The following SDK2 variants were observed in gnomAD, a reference collection of about 807,000 sequenced individuals.
SDK2 encodes the protein protein sidekick-2.
In SDK2, 105 loss-of-function variants were observed where a neutral mutation model predicts 253.9. The ratio of observed to expected loss-of-function variants is 0.41; its 90% CI spans 0.35 to 0.49. The LOEUF (loss-of-function observed/expected upper bound fraction) is 0.49, where lower values mean the gene tolerates loss of function less well. SDK2 is among the 20% of genes least tolerant of loss of function. SDK2 has a pLI of 0.06. For synonymous variants in SDK2, 1,249 were observed against 1,234.9 expected, an observed-to-expected ratio of 1.01 and a Z score of -0.24; for missense variants, 2,608 against 3,003.0, an observed-to-expected ratio of 0.87 and a Z score of 3.07.
chr17:73,553,157 G>A (rs2045089687), intron 1 of SDK2, among the ~76,000 whole-genome samples: 1 of 152,226 alleles, frequency 6.6e-6, no homozygotes, highest in African/African-American at 2.4e-5. Context: ...AGGTGGCCTT[G>A]AGCATGGAAG....
At chr17:73,405,855 G>A (rs973354115) in intron 18 of SDK2, among the ~76,000 whole-genome samples, 2 of 151,558 alleles carry the variant, frequency 1.3e-5, no homozygotes, top group Non-Finnish European at 2.9e-5. Context: ...GAGTTGCTGG[G>A]ACTACAGGCG....
At chr17:73,501,786 T>C (rs1384715029) in intron 2 of SDK2, among the ~76,000 whole-genome samples, 4 of 152,204 alleles carry the variant, frequency 2.6e-5, no homozygotes, top group African/African-American at 7.2e-5. Context: ...ACCATTCATG[T>C]CACATCTTTT....
intron 1 of SDK2, chr17:73,520,347 T>C (rs905582502): frequency 6.6e-6 from 1 of 152,322 alleles, no homozygotes; most frequent in Non-Finnish European, 1.5e-5. Context: ...TGCCCCTTGC[T>C]GGACCAAGGT....
chr17:73,612,173 G>A lies in SDK2; in HGVS notation c.64+31852C>T, dbSNP rs2045982855. 6.6e-6 allele frequency among the ~76,000 whole-genome samples: 1 copy of A among 152,210 alleles called. No homozygotes were observed. The highest frequency in any genetic ancestry group is 1.5e-5 in the Non-Finnish European group (1 of 68,030). On this transcript the variant is annotated intron_variant, in intron 1 of 44. Coordinates refer to ENST00000392650, the MANE Select transcript of SDK2 (RefSeq NM_001144952.2). The surrounding 1 kb of genome is among the most constrained non-coding windows in gnomAD (Gnocchi z 4.4). ...CACCCCCGCTGCAGCCTCTTCAAGC[G>A]AGGAAAGATAAATGCAAGTACACCA... is the stretch of plus-strand genomic sequence containing the variant.
At chr17:73,473,679 C>G (rs2063667473) in intron 2 of SDK2, among the ~76,000 whole-genome samples, 1 of 152,220 alleles carries the variant, frequency 6.6e-6, no homozygotes, top group Non-Finnish European at 1.5e-5. Context: ...ATCTCTGCAT[C>G]AGACACTGTA....
Position 73,395,314 on chromosome 17 carries a change from C to T in SDK2, c.3433G>A (p.Gly1145Ser), listed in dbSNP as rs754186093. The part of the protein sequence containing the change: ...KIKYSRSDGH[G>S]KTLSHVVQDR... ...TGCACCACGTGGCTCAGCGTCTTGC[C>T]ATGCCCGTCTGACCGGCTGTACTTG... is the stretch of plus-strand genomic sequence containing the variant. The change falls in exon 25 of 45, where the codon GGC becomes AGC. Residue 1145 changes from glycine (G) to serine (S), a missense_variant. Gly to Ser is a moderately conservative substitution (Grantham distance 56). Around this residue, in one of 2 missense-constraint regions of SDK2, gnomAD observed 1,505 missense variants for 1,859.1 expected, o/e 0.81. Coordinates refer to ENST00000392650, the MANE Select transcript of SDK2 (RefSeq NM_001144952.2). The surrounding 1 kb of genome is among the most constrained non-coding windows in gnomAD (Gnocchi z 4.3). 19 of 1,613,882 alleles carry T rather than the reference C, an allele frequency of 1.2e-5. No homozygotes were observed. The highest frequency in any genetic ancestry group is 8.0e-5 in the African/African-American group (6 of 74,932).
chr17:73,416,310 C>T (rs914657388), intron 16 of SDK2, among the ~76,000 whole-genome samples: 9 of 147,090 alleles, frequency 6.1e-5, no homozygotes, highest in African/African-American at 2.2e-4. Flanking sequence ...GATTCTCCTG[C>T]CTCAGCCTCC....
chr17:73,619,299 T>C (rs1400419758), intron 1 of SDK2, among the ~76,000 whole-genome samples: 1 of 152,060 alleles, frequency 6.6e-6, no homozygotes, highest in Non-Finnish European at 1.5e-5. Context: ...TAGCAAAACT[T>C]GAGGGCAGGC....
intron 29 of SDK2, among the ~76,000 whole-genome samples, chr17:73,388,786 C>T (rs574871796): frequency 6.9e-5 from 8 of 115,840 alleles, no homozygotes; most frequent in African/African-American, 2.5e-4. Flanking sequence ...TTCCTTCCTT[C>T]CTTCCCTCCC....
chr17:73,589,843 G>A (rs569593152), intron 1 of SDK2, among the ~76,000 whole-genome samples: 1 of 152,378 alleles, frequency 6.6e-6, no homozygotes, highest in African/African-American at 2.4e-5. Context: ...TTACAGAGGT[G>A]CTGAGTGCCA....
chr17:73,526,111 T>A (rs1407009888), intron 1 of SDK2, among the ~76,000 whole-genome samples: 1 of 152,190 alleles, frequency 6.6e-6, no homozygotes. Context: ...ATGAGCATCC[T>A]AAATGGCACA....
chr17:73,450,020 G>C (rs1478964750), intron 4 of SDK2, among the ~76,000 whole-genome samples: 1 of 152,204 alleles, frequency 6.6e-6, no homozygotes, highest in East Asian at 1.9e-4. Flanking sequence ...GGTGGGGCCA[G>C]AGCCAGGCGA....
Position 73,437,826 on chromosome 17 carries a change from C to A in SDK2, c.917-4G>T, listed in dbSNP as rs758099093. ...TCCTTGACAAACTGAGGCGGTTCTG[C>A]AGGAGGAAGGACCAGGGGAGGGGGT... On this transcript the variant is annotated splice_region_variant and splice_polypyrimidine_tract_variant and intron_variant, in intron 7 of 44. Transcript: ENST00000392650. The A allele has an allele frequency of 4.3e-6, 7 of 1,613,930 alleles. No homozygotes were observed. The highest frequency in any genetic ancestry group is 5.9e-6 in the Non-Finnish European group (7 of 1,179,818).
chr17:73,557,469 A>C (rs1300408461), intron 1 of SDK2, among the ~76,000 whole-genome samples: 1 of 152,034 alleles, frequency 6.6e-6, no homozygotes, highest in South Asian at 2.1e-4. Flanking sequence ...CATCTGGCTA[A>C]GTTTTGTATT....
In SDK2 at chr17:73,639,664, G is replaced by A. The variant is rs763650042; in HGVS notation, c.64+4361C>T. 6.6e-6 allele frequency among the ~76,000 whole-genome samples: 1 copy of A among 152,134 alleles called. No individual in the cohort carries two copies. The highest frequency in any genetic ancestry group is 1.9e-4 in the East Asian group (1 of 5,170). Reference sequence around the variant, plus strand: ...CCCCGCAGGGCGCACACTAACACCCGACATCAATTCCAACTCAGCCTCCTG... The same window carrying A: ...CCCCGCAGGGCGCACACTAACACCCAACATCAATTCCAACTCAGCCTCCTG... On this transcript the variant is annotated intron_variant, in intron 1 of 44. Coordinates refer to ENST00000392650, the MANE Select transcript of SDK2 (RefSeq NM_001144952.2). The surrounding 1 kb of genome is among the most constrained non-coding windows in gnomAD (Gnocchi z 4.3).
At chr17:73,389,654 G>A (rs1734285176) in intron 29 of SDK2, among the ~76,000 whole-genome samples, 1 of 152,228 alleles carries the variant, frequency 6.6e-6, no homozygotes, top group African/African-American at 2.4e-5. Context: ...GGCAGCCGGG[G>A]CTCCAGGCTG....
intron 17 of SDK2, among the ~76,000 whole-genome samples, 199 bp downstream of exon 17, chr17:73,415,612 G>T (rs1185171688): frequency 3.9e-5 from 6 of 152,078 alleles, no homozygotes; most frequent in Non-Finnish European, 8.8e-5. Context: ...CTCCTGAGTA[G>T]CTGTGCCACT....
chr17:73,351,484 G>A (rs1044299626), intron 41 of SDK2, among the ~76,000 whole-genome samples: 1 of 152,082 alleles, frequency 6.6e-6, no homozygotes, highest in African/African-American at 2.4e-5. Flanking sequence ...GGGGAAAGGT[G>A]CTTCTCTGGC....
At position 73,530,636 on chromosome 17, in the gene SDK2, G is replaced by C. The variant is rs562031469; in HGVS notation, c.65-23039C>G. ...AGGGGTGTAGCTTGTACTGCTGGTT[G>C]GGTGGGAGCAATGATGTCCAAATGG... On this transcript the variant is annotated intron_variant, in intron 1 of 44. Transcript: ENST00000392650. Among the ~76,000 whole-genome samples the C allele has an allele frequency of 5.9e-5, 9 of 152,302 alleles. No individual in the cohort carries two copies. The South Asian group carries it at 8.3e-4, about 14-fold the overall frequency.
Sources: gnomAD v4.1 joint callset for allele counts (sites outside exome capture counted in the v4.1 genomes callset) on GRCh38, gnomAD v4.1.1 for gene constraint, gnomAD v4.1.1 regional missense constraint, Gnocchi (gnomAD v3.1) non-coding constraint, MANE v1.5 for transcripts, NCBI Gene and HGNC (gene_info 2026-07-23, HGNC 2026-07-21) for gene names.